The following NRG3 variants were observed in gnomAD, a reference collection of about 807,000 sequenced individuals.
NRG3 encodes neuregulin 3, also known as pro-neuregulin-3, membrane-bound isoform.
A neutral mutation model predicts 66.9 loss-of-function variants in NRG3; 31 were observed. The observed-to-expected ratio is 0.46, with a 90% CI of 0.35 to 0.63. NRG3 has a LOEUF of 0.63. Among genes scored for constraint, NRG3 ranks in the 20% least tolerant of loss-of-function variants. The probability of loss-of-function intolerance (pLI) is 0.00; values close to 1 mark genes in which losing one functional copy is unlikely to be tolerated. For missense variants in NRG3, 910 were observed against 878.9 expected (o/e 1.04, Z -0.45); for synonymous variants, 393 against 359.4 (o/e 1.09, Z -1.06).
chr10:82,737,071 A>G (rs1018303652), intron 2 of NRG3, among the ~76,000 whole-genome samples: 29 of 152,200 alleles, frequency 1.9e-4, no homozygotes, highest in Admixed American at 9.8e-4. Flanking sequence ...TACACAAAGT[A>G]TTTTCTGACT....
chr10:82,977,787 C>T (rs189653164), intron 7 of NRG3, among the ~76,000 whole-genome samples: 1 of 152,074 alleles, frequency 6.6e-6, no homozygotes, highest in Admixed American at 6.6e-5. Context: ...CAAACTCTAA[C>T]CTTAAATAAT....
chr10:82,456,687 A>G (rs1362990619), intron 2 of NRG3, among the ~76,000 whole-genome samples: 2 of 152,202 alleles, frequency 1.3e-5, no homozygotes, highest in African/African-American at 4.8e-5. Context: ...AGAGTAAAAG[A>G]AAGTTCAATA....
At chr10:82,399,207 C>T (rs925931148) in intron 2 of NRG3, among the ~76,000 whole-genome samples, 10 of 151,962 alleles carry the variant, frequency 6.6e-5, no homozygotes, top group African/African-American at 2.4e-4. Flanking sequence ...CATAAAAGAC[C>T]AAAATGACTA....
At chr10:82,839,392 T>C (rs1263980382) in intron 3 of NRG3, among the ~76,000 whole-genome samples, 1 of 152,122 alleles carries the variant, frequency 6.6e-6, no homozygotes, top group Non-Finnish European at 1.5e-5. Flanking sequence ...AGTGAGAAGA[T>C]AAATGCAGAG....
chr10:82,046,076 T>G (rs1305900683), intron 1 of NRG3, among the ~76,000 whole-genome samples: 2 of 142,300 alleles, frequency 1.4e-5, no homozygotes, highest in Non-Finnish European at 3.1e-5. Context: ...CATATGAACT[T>G]TAAAGTAGTT....
chr10:82,869,567 ATTTATTTTATTTTATTTTAT>A lies in NRG3; in HGVS notation c.1054+4169_1054+4188del, dbSNP rs55739136. On this transcript the variant is annotated intron_variant, in intron 4 of 8. Transcript: ENST00000372141. ...CTTTCCCCAACCACTGGTCTTTTTT[ATTTATTTTATTTTATTTTAT>A]TTTATTTTATTTTATTTTATTTTAT... 1.8e-3 allele frequency among the ~76,000 whole-genome samples: 207 copies of A among 113,118 alleles called. 1 individual carries two copies. The highest frequency in any genetic ancestry group is 2.2e-3 in the Non-Finnish European group (124 of 56,254). 74.2% of individuals were successfully genotyped at this position (113,118 alleles called of 152,430 possible).
In NRG3 at chr10:82,870,365, G is replaced by C. The variant is rs1225124828; in HGVS notation, c.1054+4928G>C. Among the ~76,000 whole-genome samples, 4 of 152,126 alleles carry C rather than the reference G, an allele frequency of 2.6e-5. No individual in the cohort carries two copies. In the East Asian group the frequency reaches 7.7e-4, roughly 29 times the overall value. ...GACATCTTAGTTGTTTCCAACTTTT[G>C]ACAATTATGGATATAATTGTTGTAA... On this transcript the variant is annotated intron_variant, in intron 4 of 8. Transcript: ENST00000372141.
intron 2 of NRG3, among the ~76,000 whole-genome samples, chr10:82,645,772 T>G (rs2133845348): frequency 6.6e-6 from 1 of 151,848 alleles, no homozygotes; most frequent in East Asian, 1.9e-4. Flanking sequence ...AAAACAAGAG[T>G]GTTGTATTGA....
At chr10:82,318,326 T>C (rs1812320159) in intron 1 of NRG3, among the ~76,000 whole-genome samples, 1 of 152,008 alleles carries the variant, frequency 6.6e-6, no homozygotes, top group South Asian at 2.1e-4. Context: ...GAGTTTGGGG[T>C]CCCAAGATTT....
At chr10:82,719,030 A>G (rs1314841003) in intron 2 of NRG3, among the ~76,000 whole-genome samples, 1 of 152,208 alleles carries the variant, frequency 6.6e-6, no homozygotes, top group Non-Finnish European at 1.5e-5. Flanking sequence ...TGAGCTTTAT[A>G]AGTAATGAGT....
intron 3 of NRG3, among the ~76,000 whole-genome samples, chr10:82,819,076 G>A (rs1055213844): frequency 2.0e-5 from 3 of 152,108 alleles, no homozygotes; most frequent in Non-Finnish European, 4.4e-5. Context: ...ATAATTAGAC[G>A]TATTTTGTAA....
At chr10:82,784,905 C>T (rs183597172) in intron 3 of NRG3, among the ~76,000 whole-genome samples, 1 of 152,264 alleles carries the variant, frequency 6.6e-6, no homozygotes, top group Non-Finnish European at 1.5e-5. Flanking sequence ...CACATGCACA[C>T]GTATGTTCAT....
chr10:82,531,687 C>G (rs1450022832), intron 2 of NRG3, among the ~76,000 whole-genome samples: 1 of 151,966 alleles, frequency 6.6e-6, no homozygotes, highest in Middle Eastern at 3.4e-3. Flanking sequence ...TACACACATA[C>G]ACACAGAGGG....
intron 2 of NRG3, among the ~76,000 whole-genome samples, chr10:82,611,189 C>A (rs1469099445): frequency 2.0e-5 from 3 of 151,702 alleles, no homozygotes; most frequent in Non-Finnish European, 4.4e-5. Flanking sequence ...AGTTATTTAT[C>A]CTTAGATTGC....
chr10:82,491,141 C>T, intron 2 of NRG3, among the ~76,000 whole-genome samples: 1 of 151,542 alleles, frequency 6.6e-6, no homozygotes, highest in East Asian at 1.9e-4. Context: ...GTTGCCCTAT[C>T]CCCAGATATC....
At chr10:81,970,600 T>C (rs1215552461) in intron 1 of NRG3, among the ~76,000 whole-genome samples, 1 of 152,118 alleles carries the variant, frequency 6.6e-6, no homozygotes, top group Non-Finnish European at 1.5e-5. Context: ...GAACCCACCA[T>C]ATGTTGAATG....
intron 2 of NRG3, among the ~76,000 whole-genome samples, chr10:82,584,915 A>G (rs658782): frequency 0.1 from 15,075 of 148,352 alleles, 763 homozygotes; most frequent in East Asian, 0.16. Flanking sequence ...GAGTTGGCAC[A>G]GGGTTTTAAA....
At chr10:82,242,862 A>G (rs1204926297) in intron 1 of NRG3, among the ~76,000 whole-genome samples, 1 of 152,196 alleles carries the variant, frequency 6.6e-6, no homozygotes, top group Admixed American at 6.5e-5. Context: ...AGGGAATTCT[A>G]CTGGCAAATG....
At chr10:82,006,164 T>C (rs2061369659) in intron 1 of NRG3, among the ~76,000 whole-genome samples, 1 of 151,716 alleles carries the variant, frequency 6.6e-6, no homozygotes, top group African/African-American at 2.4e-5. Context: ...ATATGTTAGC[T>C]GATTATTTTC....
Sources: gnomAD v4.1 joint callset for allele counts (sites outside exome capture counted in the v4.1 genomes callset) on GRCh38, gnomAD v4.1.1 for gene constraint, MANE v1.5 for transcripts, NCBI Gene and HGNC (gene_info 2026-07-23, HGNC 2026-07-21) for gene names.